Variants in SRGAP2C observed in about 807,000 individuals in gnomAD.
SRGAP2C encodes the protein SLIT-ROBO Rho GTPase activating protein 2C.
Under a neutral mutation model 25.1 loss-of-function variants are expected in SRGAP2C, and 15 were observed. The observed-to-expected ratio is 0.60, with a 90% CI of 0.40 to 0.92. The LOEUF (loss-of-function observed/expected upper bound fraction) is 0.92. Among genes scored for constraint, SRGAP2C ranks in the 40% least tolerant of loss-of-function variants. The probability of loss-of-function intolerance (pLI) is 0.00; values close to 1 mark genes in which losing one functional copy is unlikely to be tolerated. For missense variants in SRGAP2C, 144 were observed against 264.4 expected, an observed-to-expected ratio of 0.54 and a Z score of 3.16; for synonymous variants, 44 against 96.6, an observed-to-expected ratio of 0.46 and a Z score of 3.19.
At chr1:121,355,479 G>A (rs1347274170) in intron 4 of SRGAP2C, among the ~76,000 whole-genome samples, 2 of 89,386 alleles carry the variant, frequency 2.2e-5, no homozygotes, top group Non-Finnish European at 4.6e-5. Context: ...CACTACGCCC[G>A]GCTAACTTTT....
intron 2 of SRGAP2C, among the ~76,000 whole-genome samples, chr1:121,263,158 A>G (rs1394758335): frequency 6.6e-6 from 1 of 151,204 alleles, no homozygotes; most frequent in African/African-American, 2.4e-5. Context: ...GTTTGAGACC[A>G]GCCTGGCCAA....
At chr1:121,271,465 T>G (rs1156652540) in intron 2 of SRGAP2C, among the ~76,000 whole-genome samples, 2 of 151,788 alleles carry the variant, frequency 1.3e-5, no homozygotes, top group Non-Finnish European at 2.9e-5. Context: ...GAATGTACAG[T>G]TTCTTTTACA....
At position 121,278,221 on chromosome 1, in the gene SRGAP2C, A is replaced by T. The variant is rs1184429390; in HGVS notation, c.68-6582A>T. ...CTCGGCTTCCCAAAGTCCTGGGATT[A>T]CAGGGGTGAGCCACTGTGCCTGGCC... On this transcript the variant is annotated intron_variant, in intron 2 of 9. Coordinates refer to ENST00000367123, the MANE Select transcript of SRGAP2C (RefSeq NM_001329984.2). 2.3e-3 allele frequency among the ~76,000 whole-genome samples: 357 copies of T among 152,004 alleles called. 2 individuals carry two copies. Among genetic ancestry groups the T allele is most frequent in the African/African-American group, 8.3e-3 (345 of 41,540 alleles).
intron 2 of SRGAP2C, among the ~76,000 whole-genome samples, chr1:121,275,394 A>G (rs1356661273): frequency 2.7e-4 from 27 of 98,652 alleles, no homozygotes; most frequent in Admixed American, 2.1e-3. Context: ...CAGGAGCATC[A>G]GACTAGGTGA....
intron 4 of SRGAP2C, among the ~76,000 whole-genome samples, chr1:121,359,876 G>A (rs1291614635): frequency 6.6e-6 from 1 of 152,254 alleles, no homozygotes; most frequent in Non-Finnish European, 1.5e-5. Context: ...TTCCTCAGTG[G>A]AGTGGGGACT....
At chr1:121,239,757 C>T (rs1656079018) in intron 2 of SRGAP2C, among the ~76,000 whole-genome samples, 1 of 151,938 alleles carries the variant, frequency 6.6e-6, no homozygotes, top group Admixed American at 6.6e-5. Flanking sequence ...ATGAATAAGC[C>T]ATATTGGAAC....
intron 3 of SRGAP2C, among the ~76,000 whole-genome samples, chr1:121,315,503 C>T (rs1245509293): frequency 2.6e-5 from 4 of 151,516 alleles, no homozygotes; most frequent in African/African-American, 7.3e-5. Context: ...CCTGAACTCG[C>T]TAATTTGATC....
At chr1:121,218,434 C>G (rs1277216825) in intron 2 of SRGAP2C, among the ~76,000 whole-genome samples, 1 of 96,378 alleles carries the variant, frequency 1.0e-5, no homozygotes, top group East Asian at 2.8e-4. Flanking sequence ...TGGTCTCTAA[C>G]TCCTGGGCTC....
chr1:121,348,435 A>G (rs1193211021), intron 4 of SRGAP2C, among the ~76,000 whole-genome samples: 14 of 151,074 alleles, frequency 9.3e-5, no homozygotes, highest in Non-Finnish European at 1.5e-4. Context: ...TTTAAAGCTG[A>G]TTGAGTTTTA....
intron 3 of SRGAP2C, among the ~76,000 whole-genome samples, chr1:121,313,484 A>C (rs1368442011): frequency 8.7e-6 from 1 of 115,526 alleles, no homozygotes; most frequent in Non-Finnish European, 1.8e-5. Context: ...TTAGCTGGTG[A>C]TTTTGCTCAT....
chr1:121,289,059 C>G (rs1553337236), intron 3 of SRGAP2C, among the ~76,000 whole-genome samples: 1 of 145,194 alleles, frequency 6.9e-6, no homozygotes, highest in Non-Finnish European at 1.5e-5. Context: ...GATCCCGCAC[C>G]GGGGCTGCAG....
intron 2 of SRGAP2C, among the ~76,000 whole-genome samples, chr1:121,225,792 C>T (rs1655651912): frequency 6.8e-6 from 1 of 147,352 alleles, no homozygotes; most frequent in Non-Finnish European, 1.5e-5. Flanking sequence ...GCAACCTCTG[C>T]CTCCCAGGTT....
chr1:121,327,840 C>T (rs1220997874), intron 4 of SRGAP2C, among the ~76,000 whole-genome samples: 1 of 152,040 alleles, frequency 6.6e-6, no homozygotes, highest in African/African-American at 2.4e-5. Context: ...GACCCTTTCT[C>T]TTGGGCCTAG....
At chr1:121,291,230 G>A (rs1316156461) in intron 3 of SRGAP2C, among the ~76,000 whole-genome samples, 3 of 126,336 alleles carry the variant, frequency 2.4e-5, no homozygotes, top group Non-Finnish European at 5.1e-5. Flanking sequence ...ATGGTCAGAG[G>A]TGACCCAGTG....
chr1:121,236,183 C>T (rs1655953528), intron 2 of SRGAP2C, among the ~76,000 whole-genome samples: 1 of 151,726 alleles, frequency 6.6e-6, no homozygotes, highest in Non-Finnish European at 1.5e-5. Context: ...GGCTCTAGGA[C>T]TGAATTACTT....
chr1:121,375,101 C>T (rs1453908615), intron 7 of SRGAP2C, 147 bp downstream of exon 7: 1 of 601,338 alleles, frequency 1.7e-6, no homozygotes, highest in Non-Finnish European at 3.0e-6. Context: ...GAGTGCTTGC[C>T]AAGCACCATG....
At chr1:121,329,599 T>C (rs1553342052) in intron 4 of SRGAP2C, among the ~76,000 whole-genome samples, 1 of 140,552 alleles carries the variant, frequency 7.1e-6, no homozygotes, top group African/African-American at 2.7e-5. Flanking sequence ...TCATTAAATG[T>C]GAGAATTGGC....
intron 6 of SRGAP2C, 98 bp from the exon 7 acceptor site, chr1:121,374,728 C>T (rs1463429473): frequency 9.1e-6 from 6 of 655,822 alleles, no homozygotes; most frequent in Non-Finnish European, 1.7e-5. Context: ...GGAGTAGCAA[C>T]ACAATTGTAG....
chr1:121,390,977 G>T lies in SRGAP2C; in HGVS notation c.*3122G>T, dbSNP rs587748328. The T allele has an allele frequency of 9.1e-6, 1 of 109,650 alleles. No individual in the cohort carries two copies. Among genetic ancestry groups the T allele is most frequent in the East Asian group, 3.9e-4 (1 of 2,538 alleles). 6.8% of individuals were successfully genotyped at this position (109,650 alleles called of 1,614,324 possible). A position where few individuals can be genotyped will look rare whatever the true frequency, so the allele number is the denominator to read the frequency against. Reference sequence around the variant, plus strand: ...GATTACTTGAACTGGGGAGGCATAGGTTGTAGTGAGCCAAGGTCGTGTCAC... The same window carrying T: ...GATTACTTGAACTGGGGAGGCATAGTTTGTAGTGAGCCAAGGTCGTGTCAC... On this transcript the variant is annotated 3_prime_UTR_variant, in exon 10 of 10. Transcript: ENST00000367123.
Sources: gnomAD v4.1 joint callset for allele counts (sites outside exome capture counted in the v4.1 genomes callset) on GRCh38, gnomAD v4.1.1 for gene constraint, MANE v1.5 for transcripts, NCBI Gene and HGNC (gene_info 2026-07-23, HGNC 2026-07-21) for gene names.